Variants in GRID2IP observed in about 807,000 individuals in gnomAD.
GRID2IP encodes the protein Grid2 interacting protein.
In GRID2IP, 78 loss-of-function variants were observed where a neutral mutation model predicts 114.3. That is an observed-to-expected ratio of 0.68 (90% confidence interval 0.57 to 0.82). The LOEUF is 0.82. Among genes scored for constraint, GRID2IP ranks in the 40% least tolerant of loss-of-function variants. The probability of loss-of-function intolerance (pLI) is 0.00; values close to 1 mark genes in which losing one functional copy is unlikely to be tolerated. For missense variants in GRID2IP, 1,727 were observed against 1,678.5 expected, an observed-to-expected ratio of 1.03 and a Z score of -0.51; for synonymous variants, 809 against 724.0, an observed-to-expected ratio of 1.12 and a Z score of -1.89.
chr7:6,503,404 G>C (rs951545874), intron 16 of GRID2IP, 87 bp downstream of exon 16: 2 of 1,315,920 alleles, frequency 1.5e-6, no homozygotes, highest in South Asian at 3.1e-5. Context: ...GGCCCCCGAA[G>C]GCGCGCGGGA....
chr7:6,512,486 G>A (rs1779194807), intron 8 of GRID2IP, among the ~76,000 whole-genome samples: 1 of 151,234 alleles, frequency 6.6e-6, no homozygotes, highest in African/African-American at 2.4e-5. Flanking sequence ...GACTACAGGT[G>A]CATACCACCA....
At position 6,534,067 on chromosome 7, in the gene GRID2IP, C is replaced by G. The variant is rs779976090; in HGVS notation, c.584+5651G>C. 2.0e-5 allele frequency among the ~76,000 whole-genome samples: 3 copies of G among 152,150 alleles called. No homozygotes were observed. Among genetic ancestry groups the G allele is most frequent in the Non-Finnish European group, 2.9e-5 (2 of 68,022 alleles). On this transcript the variant is annotated intron_variant, in intron 2 of 21. Coordinates refer to ENST00000457091, the MANE Select transcript of GRID2IP (RefSeq NM_001145118.2). This position sits in a 1 kb window ranked among gnomAD's most constrained non-coding sequence, Gnocchi z 4.5. ...ATTCTCAACTCACCTTTCCTGCTTT[C>G]AGTTGGCCAAGTTCATTTACATGGT...
Position 6,551,178 on chromosome 7 carries a change from C to T in GRID2IP, c.259G>A (p.Gly87Ser). The T allele has an allele frequency of 4.4e-6, 6 of 1,371,256 alleles. No homozygotes were observed. The highest frequency in any genetic ancestry group is 4.0e-5 in the Admixed American group (1 of 24,884). 84.9% of individuals were successfully genotyped at this position (1,371,256 alleles called of 1,614,324 possible). A position where few individuals can be genotyped will look rare whatever the true frequency, so the allele number is the denominator to read the frequency against. Residue 87 changes from glycine to serine, a missense_variant, in exon 1 of 22, where the codon GGT becomes AGT. Gly to Ser is a moderately conservative substitution (Grantham distance 56, BLOSUM62 0). Coordinates refer to ENST00000457091, the MANE Select transcript of GRID2IP (RefSeq NM_001145118.2). The part of the protein sequence containing the change: ...PSLGVLPAPD[G>S]GPGPGSGPAA... Reference sequence around the variant, plus strand: ...GGGCCGGATCCTGGGCCGGGGCCACCGTCGGGAGCCGGGAGCACGCCCAGA... The same window carrying T: ...GGGCCGGATCCTGGGCCGGGGCCACTGTCGGGAGCCGGGAGCACGCCCAGA...
intron 4 of GRID2IP, among the ~76,000 whole-genome samples, chr7:6,525,655 T>A (rs1779495567): frequency 6.6e-6 from 1 of 151,766 alleles, no homozygotes. Flanking sequence ...ATAAAATAAA[T>A]AAAAAGATGC....
intron 4 of GRID2IP, among the ~76,000 whole-genome samples, chr7:6,525,076 G>A (rs145770467): frequency 1.2e-3 from 188 of 152,168 alleles, no homozygotes; most frequent in Middle Eastern, 6.8e-3. Flanking sequence ...AGGCCAAGAC[G>A]GGTGGATCAC....
intron 8 of GRID2IP, among the ~76,000 whole-genome samples, chr7:6,513,040 C>A (rs1312379101): frequency 2.6e-5 from 4 of 152,240 alleles, no homozygotes; most frequent in South Asian, 4.1e-4. Flanking sequence ...GACCTGCATG[C>A]TGAGTGCAGG....
intron 1 of GRID2IP, among the ~76,000 whole-genome samples, chr7:6,550,034 AG>A (rs1216511680): frequency 7.6e-6 from 1 of 131,474 alleles, no homozygotes; most frequent in Admixed American, 7.5e-5. Context: ...TCCGTTACCC[AG>A]GCTGGAATGC....
At chr7:6,504,954 C>G in intron 14 of GRID2IP, 84 bp from the exon 15 acceptor site, 2 of 1,047,112 alleles carry the variant, frequency 1.9e-6, no homozygotes, top group South Asian at 2.7e-5. Flanking sequence ...TCACAGCCAA[C>G]AGCCACTATC....
intron 2 of GRID2IP, among the ~76,000 whole-genome samples, chr7:6,538,867 C>T (rs1399978668): frequency 6.6e-6 from 1 of 151,880 alleles, no homozygotes; most frequent in Non-Finnish European, 1.5e-5. Context: ...GAGTGAGACT[C>T]TGTCTGAAAA....
intron 8 of GRID2IP, among the ~76,000 whole-genome samples, chr7:6,511,874 CTCTT>C (rs1264564902): frequency 6.6e-6 from 1 of 152,000 alleles, no homozygotes; most frequent in African/African-American, 2.4e-5. Context: ...CTCACTTTCT[CTCTT>C]TCTCTCTTTT....
intron 20 of GRID2IP, 68 bp from the exon 21 acceptor site, chr7:6,498,296 C>T (rs543608778): frequency 8.5e-6 from 12 of 1,412,526 alleles, no homozygotes; most frequent in South Asian, 1.4e-5. Flanking sequence ...GGTGGCCCGA[C>T]AGACAGGTCC....
rs1786393994 is a variant in GRID2IP at position 6,500,782 on chromosome 7, AG to A, written c.3399+998del. Among the ~76,000 whole-genome samples, 6 of 152,158 alleles carry A rather than the reference AG, an allele frequency of 3.9e-5. No individual in the cohort carries two copies. In the South Asian group the frequency reaches 1.2e-3, roughly 31 times the overall value. ...CTGCCAAGGGGTGTTGGAGCCAGAG[AG>A]GGGGAGCAGCGAGAACTGCCACATG... On this transcript the variant is annotated intron_variant, in intron 20 of 21. Transcript: ENST00000457091.
Position 6,508,115 on chromosome 7 carries a change from GGGGGCA to G in GRID2IP, c.2408_2413del (p.Leu803_Pro804del). ...CATGGGGGGTGCACAGGGCACGGGT[GGGGGCA>G]GGGGCGGTGGGGGTGGTGGAGGGAC... On this transcript the variant is annotated inframe_deletion, in exon 13 of 22. Transcript: ENST00000457091. This position sits in a 1 kb window ranked among gnomAD's most constrained non-coding sequence, Gnocchi z 5.6. 1 of 1,528,882 alleles carries G rather than the reference GGGGGCA, an allele frequency of 6.5e-7. No individual in the cohort carries two copies. Among genetic ancestry groups the G allele is most frequent in the Non-Finnish European group, 8.8e-7 (1 of 1,138,898 alleles). 94.7% of individuals were successfully genotyped at this position (1,528,882 alleles called of 1,614,324 possible).
intron 11 of GRID2IP, among the ~76,000 whole-genome samples, chr7:6,510,008 T>C (rs1786720841): frequency 1.3e-5 from 2 of 152,130 alleles, no homozygotes; most frequent in Admixed American, 1.3e-4. Flanking sequence ...TTGTATTTTT[T>C]TTGTTAGAGA....
At chr7:6,525,578 G>C (rs1222009838) in intron 4 of GRID2IP, among the ~76,000 whole-genome samples, 2 of 152,144 alleles carry the variant, frequency 1.3e-5, no homozygotes, top group Non-Finnish European at 2.9e-5. Context: ...AGGTTGCAAT[G>C]AGCCAAGATT....
chr7:6,540,019 CCCTT>C (rs774009810), intron 1 of GRID2IP, 147 bp from the exon 2 acceptor site: 51 of 570,722 alleles, frequency 8.9e-5, no homozygotes, highest in Admixed American at 4.9e-4. Flanking sequence ...CATATCATGC[CCCTT>C]CCTTCCTTCC....
chr7:6,526,808 A>C lies in GRID2IP; in HGVS notation c.585-39T>G. The C allele has an allele frequency of 6.8e-7, 1 of 1,465,278 alleles. No individual in the cohort carries two copies. Among genetic ancestry groups the C allele is most frequent in the Non-Finnish European group, 9.0e-7 (1 of 1,111,392 alleles). 90.8% of individuals were successfully genotyped at this position (1,465,278 alleles called of 1,614,324 possible). A position where few individuals can be genotyped will look rare whatever the true frequency, so the allele number is the denominator to read the frequency against. ...CGGCGGAGTCGGGGCGCGTTCCCGG[A>C]CCCCGGATCTCTGCAAACCGCGGCC... is the stretch of plus-strand genomic sequence containing the variant. On this transcript the variant is annotated intron_variant, in intron 2 of 21. Transcript: ENST00000457091. This position sits in a 1 kb window ranked among gnomAD's most constrained non-coding sequence, Gnocchi z 7.6.
chr7:6,501,905 G>C lies in GRID2IP; in HGVS notation c.3281-6C>G. On this transcript the variant is annotated splice_polypyrimidine_tract_variant and splice_region_variant and intron_variant, in intron 19 of 21. Coordinates refer to ENST00000457091, the MANE Select transcript of GRID2IP (RefSeq NM_001145118.2). ...GGTCAGGGCCCGTTGGTTCACTGTAGGGAAGAGGACAGGGGCTGCATGGGG... is the reference window on the plus strand; with the variant it reads ...GGTCAGGGCCCGTTGGTTCACTGTACGGAAGAGGACAGGGGCTGCATGGGG... 2.6e-6 allele frequency: 4 copies of C among 1,551,398 alleles called. No individual in the cohort carries two copies. The highest frequency in any genetic ancestry group is 3.5e-6 in the Non-Finnish European group (4 of 1,146,888).
At chr7:6,503,247 G>GA (rs1786469450) in intron 16 of GRID2IP, 84 bp from the exon 17 acceptor site, 41 of 504,106 alleles carry the variant, frequency 8.1e-5, no homozygotes, top group Non-Finnish European at 1.3e-4. Flanking sequence ...GGGAGGGGGG[G>GA]ATCTGCTGGC....
Sources: allele counts gnomAD v4.1 joint callset (sites outside exome capture counted in the v4.1 genomes callset), GRCh38; gene constraint gnomAD v4.1.1; non-coding constraint Gnocchi (gnomAD v3.1); transcripts MANE v1.5; gene names NCBI Gene and HGNC (gene_info 2026-07-23, HGNC 2026-07-21).